Variants in SNTG1 observed in about 807,000 individuals in gnomAD.
SNTG1 encodes the protein syntrophin gamma 1.
In SNTG1, 39 loss-of-function variants were observed where a neutral mutation model predicts 74.7. That is an observed-to-expected ratio of 0.52 (90% CI 0.40 to 0.68). The LOEUF is 0.68. SNTG1 is among the 30% of genes least tolerant of loss of function. The probability of loss-of-function intolerance (pLI) is 0.00; values close to 1 mark genes in which losing one functional copy is unlikely to be tolerated. For missense variants in SNTG1, 685 were observed against 609.5 expected (o/e 1.12, Z -1.30); for synonymous variants, 254 against 217.1 (o/e 1.17, Z -1.49).
At chr8:50,178,542 A>T (rs757649053) in intron 2 of SNTG1, among the ~76,000 whole-genome samples, 6 of 152,164 alleles carry the variant, frequency 3.9e-5, no homozygotes, top group Admixed American at 2.6e-4. Context: ...TAAAGAGAAG[A>T]TACAATATGA....
intron 2 of SNTG1, among the ~76,000 whole-genome samples, chr8:50,378,794 G>C (rs777323030): frequency 2.0e-5 from 3 of 151,978 alleles, no homozygotes; most frequent in Non-Finnish European, 4.4e-5. Context: ...TCTGCAGCTG[G>C]TCATCCTGGC....
intron 8 of SNTG1, among the ~76,000 whole-genome samples, chr8:50,478,616 T>C (rs1262350258): frequency 6.6e-6 from 1 of 152,182 alleles, no homozygotes; most frequent in Non-Finnish European, 1.5e-5. Flanking sequence ...CAAATTTTCT[T>C]TCCTTCTCTT....
intron 13 of SNTG1, among the ~76,000 whole-genome samples, chr8:50,611,711 C>T (rs2094851007): frequency 6.6e-6 from 1 of 152,098 alleles, no homozygotes; most frequent in Non-Finnish European, 1.5e-5. Context: ...TTGCTGGAGT[C>T]CAAGAGTTTC....
chr8:50,289,811 T>C (rs2088990858), intron 2 of SNTG1, among the ~76,000 whole-genome samples: 1 of 152,134 alleles, frequency 6.6e-6, no homozygotes, highest in Admixed American at 6.6e-5. Context: ...ACAGTCAGGA[T>C]TGGTACCAGG....
At chr8:50,293,070 CTTGGAACAACCTGCGTGTAGCCT>C (rs1334581992) in intron 2 of SNTG1, among the ~76,000 whole-genome samples, 1 of 152,038 alleles carries the variant, frequency 6.6e-6, no homozygotes, top group Non-Finnish European at 1.5e-5. Context: ...AAAGTGTTTC[CTTGGAACAACCTGCGTGTAGCCT>C]TTGGAATTCA....
At chr8:50,190,522 A>T (rs1269982056) in intron 2 of SNTG1, among the ~76,000 whole-genome samples, 3 of 152,188 alleles carry the variant, frequency 2.0e-5, no homozygotes, top group Non-Finnish European at 4.4e-5. Flanking sequence ...TCTTTGAGAA[A>T]AAAAGGTAAT....
intron 2 of SNTG1, among the ~76,000 whole-genome samples, chr8:50,365,690 A>C (rs2092088627): frequency 6.6e-6 from 1 of 152,108 alleles, no homozygotes; most frequent in South Asian, 2.1e-4. Flanking sequence ...TTCCTTTAAA[A>C]TTTATTGTGT....
intron 12 of SNTG1, 108 bp from the exon 13 acceptor site, chr8:50,590,770 AG>A: frequency 1.7e-6 from 1 of 585,960 alleles, no homozygotes. Context: ...ATATCAAAAT[AG>A]GATATTAGTA....
intron 1 of SNTG1, among the ~76,000 whole-genome samples, chr8:50,108,498 CA>C (rs1423111765): frequency 6.6e-6 from 1 of 152,072 alleles, no homozygotes; most frequent in African/African-American, 2.4e-5. Flanking sequence ...AACGTATTTT[CA>C]ATGCTATAAA....
At chr8:50,161,868 T>C (rs536476663) in intron 1 of SNTG1, among the ~76,000 whole-genome samples, 1 of 152,226 alleles carries the variant, frequency 6.6e-6, no homozygotes, top group East Asian at 1.9e-4. Flanking sequence ...TAATTGTCTT[T>C]AAAAAAACAC....
intron 2 of SNTG1, among the ~76,000 whole-genome samples, chr8:50,344,951 A>G (rs1587236592): frequency 6.6e-6 from 1 of 152,182 alleles, no homozygotes; most frequent in East Asian, 1.9e-4. Context: ...ATTTGGACAT[A>G]CAAAAGAATA....
chr8:50,473,833 T>C (rs2093673045), intron 8 of SNTG1, among the ~76,000 whole-genome samples: 1 of 152,180 alleles, frequency 6.6e-6, no homozygotes, highest in Non-Finnish European at 1.5e-5. Flanking sequence ...ACATCCTGTA[T>C]GAAACCACTT....
intron 2 of SNTG1, among the ~76,000 whole-genome samples, chr8:50,207,968 G>A (rs541204198): frequency 1.1e-4 from 16 of 152,260 alleles, no homozygotes; most frequent in African/African-American, 3.6e-4. Flanking sequence ...CATTTGATGA[G>A]GAGTGCTTTA....
intron 16 of SNTG1, among the ~76,000 whole-genome samples, chr8:50,707,636 C>T (rs1585603801): frequency 6.6e-6 from 1 of 152,238 alleles, no homozygotes; most frequent in East Asian, 1.9e-4. Context: ...ACTATAAAAA[C>T]AAATACAATG....
intron 1 of SNTG1, among the ~76,000 whole-genome samples, chr8:49,935,202 A>AGTGTGTGTGTGTGTGT (rs140067006): frequency 1.0e-4 from 14 of 133,878 alleles, no homozygotes; most frequent in African/African-American, 3.0e-4. Context: ...GCCAAGCAGA[A>AGTGTGTGTGTGTGTGT]GTGTGTGTGT....
In SNTG1 at chr8:49,912,776, T is replaced by G. The variant is rs754444578; in HGVS notation, c.-103+545T>G. ...GATCTTACGTAAGGAGACACTCATA[T>G]TTTTACTTAGCACCCTCTTTCCAGC... On this transcript the variant is annotated intron_variant, in intron 1 of 18. Transcript: ENST00000642720. 1.6e-3 allele frequency among the ~76,000 whole-genome samples: 249 copies of G among 152,310 alleles called. 1 individual carries two copies. The highest frequency in any genetic ancestry group is 2.2e-3 in the Non-Finnish European group (153 of 68,022).
chr8:49,972,621 A>C (rs1212814587), intron 1 of SNTG1, among the ~76,000 whole-genome samples: 3 of 151,916 alleles, frequency 2.0e-5, no homozygotes, highest in South Asian at 2.1e-4. Context: ...TACTCATCTG[A>C]CAAAGGGCTA....
intron 17 of SNTG1, among the ~76,000 whole-genome samples, chr8:50,749,671 A>G (rs760973853): frequency 2.0e-5 from 3 of 152,006 alleles, no homozygotes; most frequent in Non-Finnish European, 4.4e-5. Context: ...ACCCTTAAGA[A>G]TTGTGCTAAA....
intron 1 of SNTG1, among the ~76,000 whole-genome samples, chr8:50,036,007 T>C (rs1818127622): frequency 6.6e-6 from 1 of 152,166 alleles, no homozygotes; most frequent in Admixed American, 6.5e-5. Context: ...GAATCAATCC[T>C]GCAAAATTAA....
Sources: allele counts gnomAD v4.1 joint callset (sites outside exome capture counted in the v4.1 genomes callset), GRCh38; gene constraint gnomAD v4.1.1; transcripts MANE v1.5; gene names NCBI Gene and HGNC (gene_info 2026-07-23, HGNC 2026-07-21).